The following GALNT17 variants were observed in gnomAD, a reference collection of about 807,000 sequenced individuals.
The protein encoded by GALNT17 is polypeptide N-acetylgalactosaminyltransferase 17.
A neutral mutation model predicts 63.7 loss-of-function variants in GALNT17; 29 were observed. The observed-to-expected ratio is 0.46, with a 90% CI of 0.34 to 0.62. The LOEUF is 0.62. GALNT17 is among the 20% of genes least tolerant of loss of function. GALNT17 has a pLI of 0.01. For missense variants in GALNT17, 603 were observed against 799.6 expected, an observed-to-expected ratio of 0.75 and a Z score of 2.97; for synonymous variants, 305 against 318.3, an observed-to-expected ratio of 0.96 and a Z score of 0.45.
intron 5 of GALNT17, among the ~76,000 whole-genome samples, chr7:71,481,749 G>A (rs1028811978): frequency 3.3e-5 from 5 of 152,084 alleles, no homozygotes; most frequent in African/African-American, 9.7e-5. Flanking sequence ...TGGCTCCACC[G>A]TGAAGGGCCC....
At chr7:71,567,348 G>A (rs545651238) in intron 5 of GALNT17, among the ~76,000 whole-genome samples, 1 of 152,324 alleles carries the variant, frequency 6.6e-6, no homozygotes, top group Admixed American at 6.5e-5. Flanking sequence ...ACACAGAAGG[G>A]CACCTCCCAG....
chr7:71,482,081 ATGTG>A (rs10678512), intron 5 of GALNT17, among the ~76,000 whole-genome samples: 60 of 138,258 alleles, frequency 4.3e-4, no homozygotes, highest in African/African-American at 6.1e-4. Flanking sequence ...ATATATGTAT[ATGTG>A]TGTGTGTGTG....
chr7:71,194,633 T>C (rs546928142), intron 1 of GALNT17, among the ~76,000 whole-genome samples: 1 of 152,330 alleles, frequency 6.6e-6, no homozygotes, highest in African/African-American at 2.4e-5. Context: ...TGAGCACCTG[T>C]GTGTCCCTGG....
At chr7:71,427,095 T>C (rs1786773261) in intron 5 of GALNT17, among the ~76,000 whole-genome samples, 1 of 150,872 alleles carries the variant, frequency 6.6e-6, no homozygotes, top group South Asian at 2.1e-4. Context: ...TTTTTTTTTT[T>C]TTGAGATGGA....
At chr7:71,598,650 C>G (rs1270982253) in intron 6 of GALNT17, among the ~76,000 whole-genome samples, 2 of 152,120 alleles carry the variant, frequency 1.3e-5, no homozygotes, top group African/African-American at 4.8e-5. Flanking sequence ...CTAACATGGA[C>G]TTGAGATGAA....
intron 5 of GALNT17, among the ~76,000 whole-genome samples, chr7:71,499,132 G>A (rs1377571088): frequency 1.3e-5 from 2 of 151,960 alleles, no homozygotes; most frequent in Admixed American, 6.6e-5. Flanking sequence ...CATACCTCAT[G>A]TCCAAGTTAA....
At chr7:71,247,512 A>C (rs911189191) in intron 1 of GALNT17, among the ~76,000 whole-genome samples, 7 of 152,014 alleles carry the variant, frequency 4.6e-5, no homozygotes, top group Admixed American at 4.6e-4. Flanking sequence ...CTGACAGTGC[A>C]GTGGCGCAAT....
intron 1 of GALNT17, among the ~76,000 whole-genome samples, chr7:71,247,502 C>T (rs1448473306): frequency 6.6e-6 from 1 of 152,140 alleles, no homozygotes; most frequent in African/African-American, 2.4e-5. Context: ...GTCGCTCCCA[C>T]TGACAGTGCA....
chr7:71,539,056 G>T (rs199756435), intron 5 of GALNT17, among the ~76,000 whole-genome samples: 1 of 152,070 alleles, frequency 6.6e-6, no homozygotes, highest in Non-Finnish European at 1.5e-5. Context: ...CCTGCCTCCC[G>T]AGTAGCTGGG....
chr7:71,336,856 G>A (rs181590854), intron 2 of GALNT17, among the ~76,000 whole-genome samples: 1 of 152,184 alleles, frequency 6.6e-6, no homozygotes, highest in African/African-American at 2.4e-5. Flanking sequence ...TATATACCCA[G>A]TAATGGGATT....
At chr7:71,196,801 G>A (rs1274585151) in intron 1 of GALNT17, among the ~76,000 whole-genome samples, 3 of 151,250 alleles carry the variant, frequency 2.0e-5, no homozygotes, top group African/African-American at 2.4e-5. Context: ...CTACAGGTGC[G>A]CGCAATGATG....
At chr7:71,528,236 A>G (rs1425135211) in intron 5 of GALNT17, among the ~76,000 whole-genome samples, 1 of 152,226 alleles carries the variant, frequency 6.6e-6, no homozygotes, top group Non-Finnish European at 1.5e-5. Context: ...CTTTTAGACC[A>G]ACATAGCACA....
intron 3 of GALNT17, among the ~76,000 whole-genome samples, chr7:71,415,677 C>A (rs538126811): frequency 2.6e-5 from 4 of 152,306 alleles, no homozygotes; most frequent in Non-Finnish European, 5.9e-5. Context: ...GTACGGATTG[C>A]AAACTGTCAG....
At chr7:71,551,641 C>A (rs779617532) in intron 5 of GALNT17, among the ~76,000 whole-genome samples, 20 of 151,962 alleles carry the variant, frequency 1.3e-4, no homozygotes, top group African/African-American at 4.6e-4. Flanking sequence ...ATGGCACAGA[C>A]CTGTAGTCCT....
intron 9 of GALNT17, among the ~76,000 whole-genome samples, chr7:71,693,297 C>CATAT (rs1277874254): frequency 4.3e-5 from 5 of 115,620 alleles, no homozygotes; most frequent in African/African-American, 1.9e-4. Context: ...CACACACACA[C>CATAT]ACACACACAC....
chr7:71,255,245 G>A (rs373012583), intron 1 of GALNT17, among the ~76,000 whole-genome samples: 17 of 152,284 alleles, frequency 1.1e-4, no homozygotes, highest in African/African-American at 3.1e-4. Flanking sequence ...TGAATCATGC[G>A]GGTGGGTCTT....
chr7:71,179,839 C>G (rs1788704439), intron 1 of GALNT17, among the ~76,000 whole-genome samples: 2 of 152,222 alleles, frequency 1.3e-5, no homozygotes. Flanking sequence ...ATACTCCTGT[C>G]TACTTTCTGC....
chr7:71,666,640 T>A (rs1790989857), intron 7 of GALNT17, among the ~76,000 whole-genome samples: 1 of 152,100 alleles, frequency 6.6e-6, no homozygotes, highest in African/African-American at 2.4e-5. Context: ...CACATATCAA[T>A]GAAAACATAT....
intron 6 of GALNT17, among the ~76,000 whole-genome samples, chr7:71,596,104 T>A (rs1341527038): frequency 6.6e-6 from 1 of 152,180 alleles, no homozygotes; most frequent in African/African-American, 2.4e-5. Context: ...AGTGGCACAA[T>A]CTCAGCTCAC....
Sources: allele counts gnomAD v4.1 joint callset (sites outside exome capture counted in the v4.1 genomes callset), GRCh38; gene constraint gnomAD v4.1.1; transcripts MANE v1.5; gene names NCBI Gene and HGNC (gene_info 2026-07-23, HGNC 2026-07-21).